RANBP2: variants seen among roughly 807,000 people sequenced by gnomAD.
The protein encoded by RANBP2 is E3 SUMO-protein ligase RanBP2.
A neutral mutation model predicts 303.6 loss-of-function variants in RANBP2; 57 were observed. That is an observed-to-expected ratio of 0.19 (90% confidence interval 0.15 to 0.23). The LOEUF (loss-of-function observed/expected upper bound fraction) is 0.23. RANBP2 is among the 10% of genes least tolerant of loss of function. The pLI, the probability that RANBP2 is intolerant of heterozygous loss-of-function variation, is 1.00. For missense variants in RANBP2, 3,138 were observed against 3,780.8 expected (o/e 0.83, Z 4.46); for synonymous variants, 1,167 against 1,301.5 (o/e 0.90, Z 2.23).
At chr2:109,550,056 C>T in the RANBP2 span, among the ~76,000 whole-genome samples, 3 of 151,748 alleles carry the variant, frequency 2.0e-5, no homozygotes, top group Non-Finnish European at 4.4e-5. Context: ...TTTGGGAGGC[C>T]GAGGCAGGCG....
the RANBP2 span, among the ~76,000 whole-genome samples, chr2:108,815,134 A>G: frequency 1.3e-3 from 201 of 152,232 alleles, no homozygotes; most frequent in Admixed American, 3.0e-3. Flanking sequence ...CTAGGAAAAA[A>G]ATGTTCATAT....
the RANBP2 span, among the ~76,000 whole-genome samples, chr2:109,430,514 T>TCCTCCTCCTC: frequency 1.3e-5 from 2 of 151,452 alleles, no homozygotes; most frequent in African/African-American, 2.4e-5. Context: ...TCTCCCCATC[T>TCCTCCTCCTC]CCTCCTCCTC....
At chr2:108,793,017 C>T in the RANBP2 span, among the ~76,000 whole-genome samples, 1 of 151,222 alleles carries the variant, frequency 6.6e-6, no homozygotes, top group African/African-American at 2.4e-5. Context: ...TGAGCTGAGA[C>T]TGTGCCACTG....
At chr2:108,809,658 C>A in the RANBP2 span, among the ~76,000 whole-genome samples, 1 of 152,044 alleles carries the variant, frequency 6.6e-6, no homozygotes, top group Non-Finnish European at 1.5e-5. Context: ...GGAAATGCTA[C>A]TGATTTTTGT....
the RANBP2 span, among the ~76,000 whole-genome samples, chr2:109,451,657 C>T: frequency 2.6e-5 from 4 of 152,250 alleles, no homozygotes; most frequent in South Asian, 4.1e-4. Context: ...GTAAATATTT[C>T]GCTTTCTCTT....
chr2:109,365,420 A>G, the RANBP2 span, among the ~76,000 whole-genome samples: 1 of 152,138 alleles, frequency 6.6e-6, no homozygotes, highest in Non-Finnish European at 1.5e-5. Context: ...GTATTTCCCT[A>G]TTGATCTCTT....
chr2:109,381,427 A>T, the RANBP2 span, among the ~76,000 whole-genome samples: 1 of 152,116 alleles, frequency 6.6e-6, no homozygotes, highest in African/African-American at 2.4e-5. Context: ...TGGTCTCAGC[A>T]CGCACACCCA....
intron 6 of RANBP2, 129 bp downstream of exon 6, chr2:108,736,378 G>A: frequency 1.3e-6 from 2 of 1,552,462 alleles, no homozygotes; most frequent in Non-Finnish European, 1.8e-6. Flanking sequence ...AGTTAATACA[G>A]TGAACAACTA....
At chr2:109,630,450 C>G in the RANBP2 span, among the ~76,000 whole-genome samples, 1 of 152,196 alleles carries the variant, frequency 6.6e-6, no homozygotes, top group Non-Finnish European at 1.5e-5. Flanking sequence ...GAATTATCCG[C>G]TCTAGCCAAT....
the RANBP2 span, among the ~76,000 whole-genome samples, chr2:109,362,580 G>C: frequency 6.6e-6 from 1 of 152,162 alleles, no homozygotes; most frequent in Admixed American, 6.5e-5. Context: ...GTTGTATCCA[G>C]TAGATTGATG....
chr2:108,828,416 A>C, the RANBP2 span, among the ~76,000 whole-genome samples: 1 of 152,216 alleles, frequency 6.6e-6, no homozygotes, highest in Admixed American at 6.5e-5. Flanking sequence ...CATAAAAAGA[A>C]CAAAGTTAGA....
chr2:109,222,953 G>A, the RANBP2 span, among the ~76,000 whole-genome samples: 24 of 152,332 alleles, frequency 1.6e-4, no homozygotes, highest in South Asian at 4.1e-3. Flanking sequence ...CTGGGGCTAC[G>A]GTCCCCATAC....
chr2:108,833,251 T>G, the RANBP2 span, among the ~76,000 whole-genome samples: 1 of 152,184 alleles, frequency 6.6e-6, no homozygotes, highest in African/African-American at 2.4e-5. Flanking sequence ...TAGACTTTAG[T>G]TAATCATAGT....
chr2:109,399,426 T>G, the RANBP2 span, among the ~76,000 whole-genome samples: 2 of 151,258 alleles, frequency 1.3e-5, no homozygotes, highest in East Asian at 3.9e-4. Context: ...ATACCTTCTA[T>G]TTCTAGACTC....
At chr2:109,289,761 CTTTT>C in the RANBP2 span, among the ~76,000 whole-genome samples, 1 of 149,814 alleles carries the variant, frequency 6.7e-6, no homozygotes, top group African/African-American at 2.4e-5. Context: ...TGAAAATACA[CTTTT>C]TTTTTTAAGC....
At chr2:109,555,451 G>A in the RANBP2 span, among the ~76,000 whole-genome samples, 2 of 152,112 alleles carry the variant, frequency 1.3e-5, no homozygotes, top group Non-Finnish European at 2.9e-5. Context: ...AACTTCTTCT[G>A]TAAAGTCTCC....
the RANBP2 span, among the ~76,000 whole-genome samples, chr2:109,706,003 G>T: frequency 6.6e-6 from 1 of 152,124 alleles, no homozygotes; most frequent in African/African-American, 2.4e-5. Flanking sequence ...CAGAAGCTTG[G>T]TGTCATCTGG....
chr2:109,441,888 C>CA, the RANBP2 span, among the ~76,000 whole-genome samples: 21 of 151,836 alleles, frequency 1.4e-4, no homozygotes, highest in Admixed American at 7.2e-4. Flanking sequence ...ACAGAATAAC[C>CA]AAAAAACATA....
the RANBP2 span, among the ~76,000 whole-genome samples, chr2:109,266,249 CTG>C: frequency 5.5e-5 from 8 of 144,336 alleles, no homozygotes; most frequent in Admixed American, 1.4e-4. Flanking sequence ...GTTGTGTGTG[CTG>C]TGTGTGTTGT....
Sources: allele counts gnomAD v4.1 joint callset (sites outside exome capture counted in the v4.1 genomes callset), GRCh38; gene constraint gnomAD v4.1.1; transcripts MANE v1.5; gene names NCBI Gene and HGNC (gene_info 2026-07-23, HGNC 2026-07-21).